The following SYT14 variants were observed in gnomAD, a reference collection of about 807,000 sequenced individuals.
SYT14 encodes the protein synaptotagmin 14.
A neutral mutation model predicts 74.2 loss-of-function variants in SYT14; 32 were observed. The observed-to-expected ratio is 0.43, with a 90% CI of 0.33 to 0.58. SYT14 has a LOEUF of 0.58. SYT14 is among the 20% of genes least tolerant of loss of function. The pLI is 0.05. For missense variants in SYT14, 791 were observed against 981.8 expected (o/e 0.81, Z 2.60); for synonymous variants, 298 against 337.7 (o/e 0.88, Z 1.29).
intron 5 of SYT14, among the ~76,000 whole-genome samples, chr1:210,038,558 C>A (rs2080718791): frequency 6.6e-6 from 1 of 152,004 alleles, no homozygotes; most frequent in Non-Finnish European, 1.5e-5. Context: ...TGGTGAGTAT[C>A]AATCTTTCAT....
intron 6 of SYT14, among the ~76,000 whole-genome samples, chr1:210,098,213 TTC>T (rs1054416770): frequency 4.0e-5 from 6 of 151,298 alleles, no homozygotes; most frequent in African/African-American, 9.7e-5. Flanking sequence ...GTCTTTTTGG[TTC>T]TCTCTGCAGA....
chr1:209,938,246 G>A (rs1572036925), exon 1 of SYT14: 13 of 1,552,616 alleles, frequency 8.4e-6, no homozygotes, highest in East Asian at 2.6e-5. Flanking sequence ...CAGTTGGTGC[G>A]GTCCATGGCG....
chr1:210,144,845 A>G (rs2082997066), intron 7 of SYT14, among the ~76,000 whole-genome samples: 2 of 152,224 alleles, frequency 1.3e-5, no homozygotes, highest in African/African-American at 4.8e-5. Context: ...TGATTCTAAC[A>G]CTCTATATGC....
chr1:210,153,345 C>T (rs945262751), intron 7 of SYT14, among the ~76,000 whole-genome samples: 1 of 152,072 alleles, frequency 6.6e-6, no homozygotes, highest in Non-Finnish European at 1.5e-5. Context: ...TCAAAGAAAC[C>T]TGCCGATATT....
At chr1:210,119,833 A>G (rs775255590) in intron 7 of SYT14, among the ~76,000 whole-genome samples, 10 of 152,204 alleles carry the variant, frequency 6.6e-5, no homozygotes, top group Non-Finnish European at 1.2e-4. Flanking sequence ...TAGAATTGAA[A>G]TAGTAGTGCC....
In SYT14 at chr1:209,973,260, TG is replaced by T. The variant is rs549386682; in HGVS notation, c.-486+20505del. 4.6e-5 allele frequency among the ~76,000 whole-genome samples: 7 copies of T among 152,258 alleles called. No individual in the cohort carries two copies. In the South Asian group the frequency reaches 1.5e-3, roughly 32 times the overall value. ...AGTTTTAGGGTACATGTGCACAACG[TG>T]CAGGTTAGTTACACATGTATACATG... On this transcript the variant is annotated intron_variant, in intron 2 of 9. Coordinates refer to ENST00000637265, the Ensembl canonical transcript of SYT14.
At chr1:209,980,713 C>T (rs567413137) in intron 2 of SYT14, among the ~76,000 whole-genome samples, 135 of 152,252 alleles carry the variant, frequency 8.9e-4, no homozygotes, top group Middle Eastern at 6.8e-3. Context: ...GAGCCCTTAT[C>T]CCATTGCTTG....
chr1:210,071,737 G>A (rs1242600865), intron 5 of SYT14, among the ~76,000 whole-genome samples: 3 of 151,150 alleles, frequency 2.0e-5, no homozygotes, highest in South Asian at 4.2e-4. Flanking sequence ...GAAAGTAGGG[G>A]TAGAATGAGA....
chr1:210,053,952 A>G (rs575727836), intron 5 of SYT14, among the ~76,000 whole-genome samples: 2 of 152,190 alleles, frequency 1.3e-5, no homozygotes, highest in South Asian at 4.2e-4. Context: ...AAATCTCTTT[A>G]TTCTAACTTG....
At chr1:210,097,137 A>G (rs1309841228) in intron 6 of SYT14, among the ~76,000 whole-genome samples, 1 of 152,228 alleles carries the variant, frequency 6.6e-6, no homozygotes, top group Admixed American at 6.5e-5. Flanking sequence ...GTGAATGCCG[A>G]TAGCCTATGC....
At chr1:209,982,906 GGT>G (rs1396885130) in intron 2 of SYT14, among the ~76,000 whole-genome samples, 1 of 152,122 alleles carries the variant, frequency 6.6e-6, no homozygotes, top group Non-Finnish European at 1.5e-5. Flanking sequence ...GGTATGTGGT[GGT>G]GTCTCTGTTG....
intron 2 of SYT14, among the ~76,000 whole-genome samples, chr1:210,006,636 A>G (rs140545082): frequency 3.9e-5 from 6 of 152,094 alleles, no homozygotes; most frequent in Admixed American, 6.5e-5. Flanking sequence ...TCAGCAATAC[A>G]TCCCTTATAA....
chr1:209,945,917 T>C (rs1488819422), intron 1 of SYT14, among the ~76,000 whole-genome samples: 1 of 152,218 alleles, frequency 6.6e-6, no homozygotes, highest in Non-Finnish European at 1.5e-5. Flanking sequence ...ATTGGCACAA[T>C]TTTTTCAACA....
intron 2 of SYT14, among the ~76,000 whole-genome samples, chr1:209,975,685 C>T (rs1216804291): frequency 6.6e-6 from 1 of 152,162 alleles, no homozygotes; most frequent in African/African-American, 2.4e-5. Flanking sequence ...TGTGTCTCTG[C>T]CAGGCTTTGG....
chr1:210,160,074 C>T (rs2083343752), intron 9 of SYT14, among the ~76,000 whole-genome samples: 1 of 152,108 alleles, frequency 6.6e-6, no homozygotes, highest in Non-Finnish European at 1.5e-5. Flanking sequence ...TTGCATGAAA[C>T]CAGGAGAAAG....
intron 5 of SYT14, among the ~76,000 whole-genome samples, chr1:210,066,178 A>C (rs2081292500): frequency 6.6e-6 from 1 of 152,078 alleles, no homozygotes; most frequent in South Asian, 2.1e-4. Flanking sequence ...ATAGTGCCGC[A>C]ATAAATATAC....
intron 2 of SYT14, among the ~76,000 whole-genome samples, chr1:209,989,682 A>G (rs2079630825): frequency 2.0e-5 from 3 of 152,196 alleles, no homozygotes; most frequent in Non-Finnish European, 1.5e-5. Flanking sequence ...GAAGTTAAAT[A>G]TATTTTATAT....
intron 1 of SYT14, among the ~76,000 whole-genome samples, chr1:209,943,360 C>T (rs1474241577): frequency 2.0e-5 from 3 of 151,788 alleles, no homozygotes; most frequent in African/African-American, 7.3e-5. Flanking sequence ...CAAAACTTAG[C>T]TGGGTGTAGT....
intron 2 of SYT14, among the ~76,000 whole-genome samples, chr1:209,989,400 A>G (rs2079626360): frequency 1.3e-5 from 2 of 152,218 alleles, no homozygotes; most frequent in South Asian, 2.1e-4. Flanking sequence ...TGGACAATGT[A>G]GGTTTATGAA....
Sources: allele counts gnomAD v4.1 joint callset (sites outside exome capture counted in the v4.1 genomes callset), GRCh38; gene constraint gnomAD v4.1.1; transcripts MANE v1.5; gene names NCBI Gene and HGNC (gene_info 2026-07-23, HGNC 2026-07-21).